ASIC5: variants seen among roughly 807,000 people sequenced by gnomAD.
ASIC5 encodes the protein bile acid-sensitive ion channel.
ASIC5 carries 52 observed loss-of-function variants against 51.2 expected under a neutral mutation model. The observed-to-expected ratio is 1.02, with a 90% CI of 0.81 to 1.28. The LOEUF (loss-of-function observed/expected upper bound fraction) is 1.28. ASIC5 is among the 50% of genes most tolerant of loss of function. The probability of loss-of-function intolerance (pLI) is 0.00; values close to 1 mark genes in which losing one functional copy is unlikely to be tolerated. For missense variants in ASIC5, 635 were observed against 595.0 expected, an observed-to-expected ratio of 1.07 and a Z score of -0.70; for synonymous variants, 231 against 200.7, an observed-to-expected ratio of 1.15 and a Z score of -1.28.
intron 9 of ASIC5, among the ~76,000 whole-genome samples, chr4:155,831,598 C>T (rs950666749): frequency 7.2e-5 from 11 of 152,140 alleles, no homozygotes; most frequent in African/African-American, 2.2e-4. Context: ...GGTGAAACCC[C>T]GTCTCTACTA....
Position 155,855,260 on chromosome 4 carries a change from T to C in ASIC5, c.348-946A>G, listed in dbSNP as rs1470908726. On this transcript the variant is annotated intron_variant, in intron 2 of 9. Coordinates refer to ENST00000537611, the MANE Select transcript of ASIC5 (RefSeq NM_017419.3). ...ATCTGTATAACCTACCTCAAAGTGT[T>C]CTTTTAATGATTACATTAATTGTTT... 38 of 152,106 alleles carry C rather than the reference T, an allele frequency of 2.5e-4. 2 individuals carry two copies. The highest frequency in any genetic ancestry group is 2.5e-3 in the Admixed American group (38 of 15,252). The allele number at this position is 152,106 out of a possible 1,614,324, so 9.4% of individuals were successfully genotyped here.
chr4:155,845,683 G>A (rs10001395), intron 4 of ASIC5, among the ~76,000 whole-genome samples: 10,913 of 151,984 alleles, frequency 0.072, 1,021 homozygotes, highest in African/African-American at 0.22. Context: ...ATCTAAATAA[G>A]ATTGGTCTCC....
At chr4:155,854,395 T>A in intron 2 of ASIC5, 81 bp from the exon 3 acceptor site, 5 of 993,390 alleles carry the variant, frequency 5.0e-6, no homozygotes, top group Non-Finnish European at 7.6e-6. Flanking sequence ...ATCTAGATTC[T>A]ATTAGCTTCT....
Position 155,829,791 on chromosome 4 carries a change from A to C in ASIC5, c.*65T>G, listed in dbSNP as rs572998663. On this transcript the variant is annotated 3_prime_UTR_variant, in exon 10 of 10. Transcript: ENST00000537611. The stretch of plus-strand genomic sequence containing the variant: ...CAAAACTATAGAAAAGTGACGTAAC[A>C]ATGAATTAGTCAAGATAAATCTGAA... 1.8e-4 allele frequency: 185 copies of C among 1,044,292 alleles called. No individual in the cohort carries two copies. In the African/African-American group the frequency reaches 2.0e-3, roughly 12 times the overall value. 64.7% of individuals were successfully genotyped at this position (1,044,292 alleles called of 1,614,324 possible). A position where few individuals can be genotyped will look rare whatever the true frequency, so the allele number is the denominator to read the frequency against.
rs772125746 is a variant in ASIC5, at chr4:155,852,336, CA to C, written c.586-21del. ...AAAATCCTCCAATATGTAAATGAAC[CA>C]AAAAAAACCATCAATTTGATATTTT... is the stretch of plus-strand genomic sequence containing the variant. On this transcript the variant is annotated intron_variant, in intron 3 of 9. Transcript: ENST00000537611. The C allele has an allele frequency of 3.0e-5, 47 of 1,559,554 alleles. No individual in the cohort carries two copies. Among genetic ancestry groups the C allele is most frequent in the Middle Eastern group, 1.7e-4 (1 of 5,836 alleles).
chr4:155,863,694 C>T lies in ASIC5; in HGVS notation c.101G>A (p.Arg34Gln), dbSNP rs200196508. 4.2e-5 allele frequency: 68 copies of T among 1,613,784 alleles called. No homozygotes were observed. The highest frequency in any genetic ancestry group is 6.7e-5 in the African/African-American group (5 of 74,902). Residue 34 changes from arginine to glutamine, a missense_variant, in exon 2 of 10, where the codon CGA becomes CAA. Transcript: ENST00000537611. ...SKKPLPSPTERKKFDHDFAIS... is the reference protein window; with the variant it reads ...SKKPLPSPTEQKKFDHDFAIS... ...GGCAAAGTCATGGTCAAACTTCTTTCGCTCAGTGGGAGATGGCAGTGGTTT... is the reference window on the plus strand; with the variant it reads ...GGCAAAGTCATGGTCAAACTTCTTTTGCTCAGTGGGAGATGGCAGTGGTTT...
chr4:155,854,075 A>T lies in ASIC5; in HGVS notation c.585+2T>A. 1 of 1,594,510 alleles carries T rather than the reference A, an allele frequency of 6.3e-7. No homozygotes were observed. ...TATATTTGAAGAATAGAAAATCGTT[A>T]CCTTTGGGCTACATGGCTTTCCAAA... On this transcript the variant is annotated splice_donor_variant, in intron 3 of 9. Coordinates refer to ENST00000537611, the MANE Select transcript of ASIC5 (RefSeq NM_017419.3). LOFTEE classifies it high-confidence loss of function.
At chr4:155,842,691 C>T (rs765392095) in intron 5 of ASIC5, among the ~76,000 whole-genome samples, 2 of 152,018 alleles carry the variant, frequency 1.3e-5, no homozygotes, top group Admixed American at 6.6e-5. Context: ...TGAAGAAAAT[C>T]ACATTTTAAA....
At chr4:155,838,778 T>C (rs748144399) in intron 7 of ASIC5, 35 bp downstream of exon 7, 2 of 1,378,856 alleles carry the variant, frequency 1.5e-6, no homozygotes, top group Non-Finnish European at 2.0e-6. Flanking sequence ...AACTTTAATA[T>C]AAATCCTGAA....
chr4:155,840,483 C>A (rs1198733352), intron 6 of ASIC5, among the ~76,000 whole-genome samples: 1 of 145,470 alleles, frequency 6.9e-6, no homozygotes, highest in African/African-American at 2.5e-5. Flanking sequence ...TATATTTATA[C>A]ATATTTTATA....
At chr4:155,839,526 T>C (rs1218779963) in intron 6 of ASIC5, among the ~76,000 whole-genome samples, 1 of 152,188 alleles carries the variant, frequency 6.6e-6, no homozygotes, top group Non-Finnish European at 1.5e-5. Context: ...CGGCTGATTC[T>C]AAAGACTTAG....
At position 155,849,780 on chromosome 4, in the gene ASIC5, C is replaced by T. The variant is rs533536558; in HGVS notation, c.711+2411G>A. 4.6e-4 allele frequency among the ~76,000 whole-genome samples: 70 copies of T among 152,058 alleles called. 1 individual carries two copies. In the East Asian group the frequency reaches 0.011, roughly 25 times the overall value. On this transcript the variant is annotated intron_variant, in intron 4 of 9. Coordinates refer to ENST00000537611, the MANE Select transcript of ASIC5 (RefSeq NM_017419.3). ...AACTAAGCTGTGCTTTCTTAAAGTC[C>T]GGCAAACTGAAGCCAGTCAACTTAA...
intron 4 of ASIC5, among the ~76,000 whole-genome samples, chr4:155,848,989 C>T (rs1458056997): frequency 6.6e-6 from 1 of 152,052 alleles, no homozygotes; most frequent in East Asian, 1.9e-4. Flanking sequence ...AATTTGGAAA[C>T]TATTTGTGGA....
intron 4 of ASIC5, among the ~76,000 whole-genome samples, chr4:155,851,039 C>G (rs1741371120): frequency 6.6e-6 from 1 of 151,972 alleles, no homozygotes; most frequent in South Asian, 2.1e-4. Context: ...TTTCTCCTGG[C>G]CCTTTTGTAA....
At chr4:155,843,361 C>T (rs1291322632) in intron 5 of ASIC5, among the ~76,000 whole-genome samples, 1 of 152,074 alleles carries the variant, frequency 6.6e-6, no homozygotes, top group Non-Finnish European at 1.5e-5. Flanking sequence ...CTGCTTTTCC[C>T]ACTAATTTTC....
chr4:155,854,089 T>C lies in ASIC5; in HGVS notation c.573A>G (p.Pro191=). The change falls in exon 3 of 10, where the codon CCA becomes CCG. Residue 191 remains proline (P), a synonymous_variant. Transcript: ENST00000537611. ...TLLDCEFFGK[P]CSPKDFAHVF... ...AGAAAATCGTTACCTTTGGGCTACA[T>C]GGCTTTCCAAAAAACTCACAGTCCA... is the stretch of plus-strand genomic sequence containing the variant. The C allele has an allele frequency of 6.2e-7, 1 of 1,611,266 alleles. No homozygotes were observed. The highest frequency in any genetic ancestry group is 2.2e-5 in the East Asian group (1 of 44,806).
At chr4:155,845,389 C>CT (rs77467155) in intron 4 of ASIC5, among the ~76,000 whole-genome samples, 11 of 124,972 alleles carry the variant, frequency 8.8e-5, no homozygotes, top group East Asian at 2.6e-4. Flanking sequence ...AAGACTTTGT[C>CT]TTTTTTTTGA....
At chr4:155,861,580 G>A (rs768320473) in intron 2 of ASIC5, among the ~76,000 whole-genome samples, 1 of 151,800 alleles carries the variant, frequency 6.6e-6, no homozygotes, top group Non-Finnish European at 1.5e-5. Context: ...TGTGTCTCCT[G>A]CACACAACAT....
intron 8 of ASIC5, among the ~76,000 whole-genome samples, chr4:155,834,824 C>A (rs1740940647): frequency 6.6e-6 from 1 of 152,026 alleles, no homozygotes; most frequent in South Asian, 2.1e-4. Context: ...ACCAACAGAT[C>A]AACAAACCAG....
Sources: allele counts gnomAD v4.1 joint callset (sites outside exome capture counted in the v4.1 genomes callset), GRCh38; gene constraint gnomAD v4.1.1; transcripts MANE v1.5; gene names NCBI Gene and HGNC (gene_info 2026-07-23, HGNC 2026-07-21).